DCC: variants seen among roughly 807,000 people sequenced by gnomAD.
DCC encodes the protein DCC netrin 1 receptor, also known as netrin receptor DCC.
In DCC, 58 loss-of-function variants were observed where a neutral mutation model predicts 172.5. The ratio of observed to expected loss-of-function variants is 0.34; its 90% CI spans 0.27 to 0.42. The LOEUF is 0.42. Ranked by LOEUF, DCC falls within the 10% of genes least tolerant of loss-of-function variation. The pLI, the probability that DCC is intolerant of heterozygous loss-of-function variation, is 1.00. For missense variants in DCC, 1,740 were observed against 1,791.0 expected (o/e 0.97, Z 0.51); for synonymous variants, 709 against 644.5 (o/e 1.10, Z -1.52).
At chr18:52,963,277 A>G (rs913495322) in intron 5 of DCC, among the ~76,000 whole-genome samples, 1 of 151,696 alleles carries the variant, frequency 6.6e-6, no homozygotes, top group East Asian at 1.9e-4. Context: ...CTTATTTTCC[A>G]TAATAAGCAT....
intron 1 of DCC, among the ~76,000 whole-genome samples, chr18:52,381,865 A>G (rs779582516): frequency 1.3e-5 from 2 of 152,178 alleles, no homozygotes; most frequent in African/African-American, 4.8e-5. Flanking sequence ...ATGCTAAAAC[A>G]TGACAGAATT....
chr18:53,348,648 C>G (rs2057752630), intron 15 of DCC, among the ~76,000 whole-genome samples: 1 of 152,100 alleles, frequency 6.6e-6, no homozygotes, highest in South Asian at 2.1e-4. Flanking sequence ...GAAACTTCTG[C>G]CTGGACATCC....
At chr18:52,539,041 G>A (rs2032365323) in intron 1 of DCC, among the ~76,000 whole-genome samples, 1 of 152,126 alleles carries the variant, frequency 6.6e-6, no homozygotes, top group South Asian at 2.1e-4. Context: ...AAGGAGTCTG[G>A]TTGCAGTGAT....
At chr18:53,066,844 T>C (rs1480681708) in intron 7 of DCC, among the ~76,000 whole-genome samples, 1 of 152,108 alleles carries the variant, frequency 6.6e-6, no homozygotes, top group African/African-American at 2.4e-5. Context: ...GGCCATCTGC[T>C]GGGCTTCTGG....
chr18:53,192,992 G>A (rs1200358314), intron 9 of DCC, among the ~76,000 whole-genome samples: 4 of 151,860 alleles, frequency 2.6e-5, no homozygotes, highest in Admixed American at 1.3e-4. Flanking sequence ...TGATTTTACC[G>A]TCCCTATAGC....
At chr18:53,023,739 T>C (rs1219678756) in intron 5 of DCC, among the ~76,000 whole-genome samples, 1 of 152,292 alleles carries the variant, frequency 6.6e-6, no homozygotes, top group Non-Finnish European at 1.5e-5. Flanking sequence ...ATAGAGTTTT[T>C]AGAGGCTTTA....
At chr18:52,932,435 G>A (rs1244736613) in intron 5 of DCC, among the ~76,000 whole-genome samples, 2 of 152,136 alleles carry the variant, frequency 1.3e-5, no homozygotes, top group African/African-American at 4.8e-5. Context: ...CTTTTACAAA[G>A]TGCCAGGCTT....
intron 1 of DCC, among the ~76,000 whole-genome samples, chr18:52,464,731 T>A (rs1988733143): frequency 6.6e-6 from 1 of 152,026 alleles, no homozygotes; most frequent in South Asian, 2.1e-4. Flanking sequence ...TGCAGGCAGT[T>A]GGTACTACCT....
chr18:52,458,632 A>C (rs560758968), intron 1 of DCC, among the ~76,000 whole-genome samples: 1 of 152,286 alleles, frequency 6.6e-6, no homozygotes, highest in Non-Finnish European at 1.5e-5. Flanking sequence ...AGAATACAGC[A>C]CCAGAGATTC....
intron 1 of DCC, among the ~76,000 whole-genome samples, chr18:52,438,025 A>G (rs1479327634): frequency 6.6e-6 from 1 of 152,178 alleles, no homozygotes; most frequent in African/African-American, 2.4e-5. Flanking sequence ...TGGAAAAATG[A>G]AGGCTTTCAG....
chr18:53,298,925 T>C (rs902114761), intron 12 of DCC, among the ~76,000 whole-genome samples: 2 of 152,206 alleles, frequency 1.3e-5, no homozygotes, highest in Non-Finnish European at 2.9e-5. Context: ...CTTCCATTGA[T>C]AGTGCCAGGT....
At chr18:52,541,479 A>G (rs376202006) in intron 1 of DCC, among the ~76,000 whole-genome samples, 97 of 152,304 alleles carry the variant, frequency 6.4e-4, no homozygotes, top group African/African-American at 2.3e-3. Flanking sequence ...AGAAAAATCT[A>G]AATTCTACTC....
At chr18:53,312,082 G>T (rs1401153176) in intron 13 of DCC, among the ~76,000 whole-genome samples, 2 of 151,244 alleles carry the variant, frequency 1.3e-5, no homozygotes, top group African/African-American at 4.9e-5. Context: ...GGCCGAGGCG[G>T]GCGGATCACG....
chr18:52,388,633 T>C (rs1320570442), intron 1 of DCC, among the ~76,000 whole-genome samples: 1 of 151,990 alleles, frequency 6.6e-6, no homozygotes, highest in Non-Finnish European at 1.5e-5. Context: ...ATTTGGGCCA[T>C]CAACTTTCTG....
intron 12 of DCC, among the ~76,000 whole-genome samples, chr18:53,225,222 C>G (rs1457453085): frequency 6.6e-6 from 1 of 152,070 alleles, no homozygotes; most frequent in Non-Finnish European, 1.5e-5. Flanking sequence ...AGTAGAGTGA[C>G]TATAGATTAT....
chr18:52,901,428 G>A (rs2039807293), intron 2 of DCC, among the ~76,000 whole-genome samples: 2 of 150,146 alleles, frequency 1.3e-5, no homozygotes, highest in Non-Finnish European at 2.9e-5. Flanking sequence ...TAAGACTCGG[G>A]CTCAAAATAA....
intron 8 of DCC, among the ~76,000 whole-genome samples, chr18:53,166,285 T>A (rs1042932422): frequency 6.6e-6 from 1 of 152,118 alleles, no homozygotes; most frequent in Non-Finnish European, 1.5e-5. Flanking sequence ...ATAAATTCAG[T>A]TTCAGACAAG....
chr18:52,580,308 A>G (rs1041943333), intron 1 of DCC, among the ~76,000 whole-genome samples: 2 of 152,184 alleles, frequency 1.3e-5, no homozygotes, highest in African/African-American at 4.8e-5. Flanking sequence ...CCCAGGTTGG[A>G]GTGCAGTGGC....
intron 5 of DCC, among the ~76,000 whole-genome samples, chr18:52,935,927 T>A (rs1308791948): frequency 6.6e-6 from 1 of 152,140 alleles, no homozygotes; most frequent in Non-Finnish European, 1.5e-5. Flanking sequence ...TAATTGCCCT[T>A]ATTAACAGGA....
Sources: gnomAD v4.1 joint callset for allele counts (sites outside exome capture counted in the v4.1 genomes callset) on GRCh38, gnomAD v4.1.1 for gene constraint, MANE v1.5 for transcripts, NCBI Gene and HGNC (gene_info 2026-07-23, HGNC 2026-07-21) for gene names.